Variants in ASIC2 observed in about 807,000 individuals in gnomAD.
ASIC2 encodes the protein acid-sensing ion channel 2.
A neutral mutation model predicts 57.3 loss-of-function variants in ASIC2; 25 were observed. The ratio of observed to expected loss-of-function variants is 0.44; its 90% CI spans 0.32 to 0.61. The LOEUF (loss-of-function observed/expected upper bound fraction) is 0.61. Ranked by LOEUF, ASIC2 falls within the 20% of genes least tolerant of loss-of-function variation. The probability of loss-of-function intolerance (pLI) is 0.06; values close to 1 mark genes in which losing one functional copy is unlikely to be tolerated. For synonymous variants in ASIC2, 319 were observed against 307.5 expected, an observed-to-expected ratio of 1.04 and a Z score of -0.39; for missense variants, 641 against 738.1, an observed-to-expected ratio of 0.87 and a Z score of 1.52.
At chr17:33,017,467 A>G (rs2091812923) in intron 8 of ASIC2, 138 bp downstream of exon 8, 1 of 694,286 alleles carries the variant, frequency 1.4e-6, no homozygotes, top group Non-Finnish European at 2.4e-6. Context: ...TCAGTGATCG[A>G]CTCTATTGGT....
chr17:34,111,444 T>C (rs893568341), intron 1 of ASIC2, among the ~76,000 whole-genome samples: 4 of 151,970 alleles, frequency 2.6e-5, no homozygotes, highest in African/African-American at 9.7e-5. Context: ...TGAAAAGATA[T>C]GTTACAGTAG....
intron 1 of ASIC2, among the ~76,000 whole-genome samples, chr17:34,121,101 G>C (rs1046491429): frequency 3.9e-5 from 6 of 152,104 alleles, no homozygotes; most frequent in African/African-American, 1.4e-4. Flanking sequence ...TGTGACAACA[G>C]AGGCAGAGAT....
chr17:33,308,927 C>T (rs952015515), intron 1 of ASIC2, among the ~76,000 whole-genome samples: 2 of 152,100 alleles, frequency 1.3e-5, no homozygotes, highest in Non-Finnish European at 2.9e-5. Flanking sequence ...GAACTGGCTA[C>T]CATATGGGGG....
chr17:34,102,702 A>C (rs1163233932), intron 1 of ASIC2, among the ~76,000 whole-genome samples: 1 of 152,206 alleles, frequency 6.6e-6, no homozygotes, highest in Non-Finnish European at 1.5e-5. Flanking sequence ...AATATAGCAC[A>C]ATTTTGTATT....
At chr17:33,785,943 C>T (rs1348442492) in intron 1 of ASIC2, among the ~76,000 whole-genome samples, 4 of 152,218 alleles carry the variant, frequency 2.6e-5, no homozygotes, top group African/African-American at 9.6e-5. Context: ...CAGAGACCAG[C>T]ACAGGTTTAC....
chr17:33,116,369 C>A (rs1262483880), intron 1 of ASIC2, among the ~76,000 whole-genome samples: 1 of 152,212 alleles, frequency 6.6e-6, no homozygotes, highest in Non-Finnish European at 1.5e-5. Context: ...AGAACACACG[C>A]TTCAAATTTA....
chr17:34,040,840 A>C (rs2142045650), intron 1 of ASIC2, among the ~76,000 whole-genome samples: 1 of 152,378 alleles, frequency 6.6e-6, no homozygotes, highest in South Asian at 2.1e-4. Flanking sequence ...GTAACAAAAT[A>C]TAATAAGAGT....
intron 3 of ASIC2, among the ~76,000 whole-genome samples, chr17:33,070,561 C>T (rs1479763455): frequency 6.6e-6 from 1 of 152,132 alleles, no homozygotes; most frequent in African/African-American, 2.4e-5. Flanking sequence ...TGGTCTCGAT[C>T]TCTTGACCTT....
rs565256153 is a variant in ASIC2, at chr17:33,447,866, A to G, written c.556-335799T>C. On this transcript the variant is annotated intron_variant, in intron 1 of 9. Coordinates refer to the ASIC2 transcript ENST00000359872. ...AGAGAATAATTCAAATGTTTCTAGC[A>G]TAAAGAAAAGACAACTAGCCTGGGC... Among the ~76,000 whole-genome samples, 15 of 151,030 alleles carry G rather than the reference A, an allele frequency of 9.9e-5. 1 individual carries two copies. The South Asian group carries it at 3.1e-3, about 32-fold the overall frequency.
chr17:33,055,994 T>C (rs538156059), intron 3 of ASIC2, among the ~76,000 whole-genome samples: 8 of 152,310 alleles, frequency 5.3e-5, no homozygotes, highest in Non-Finnish European at 1.0e-4. Context: ...TGGCATGGAC[T>C]CCAAGTACTA....
intron 1 of ASIC2, among the ~76,000 whole-genome samples, chr17:33,560,516 G>A (rs1170455532): frequency 6.6e-6 from 1 of 152,192 alleles, no homozygotes; most frequent in Non-Finnish European, 1.5e-5. Flanking sequence ...AATGTATCTA[G>A]GACCTTTTCG....
At chr17:33,354,885 C>A (rs1283175124) in intron 1 of ASIC2, among the ~76,000 whole-genome samples, 1 of 152,130 alleles carries the variant, frequency 6.6e-6, no homozygotes, top group African/African-American at 2.4e-5. Context: ...ACATGTGCAC[C>A]TATTTCCATG....
At chr17:34,060,019 T>C (rs1224548113) in intron 1 of ASIC2, among the ~76,000 whole-genome samples, 1 of 152,198 alleles carries the variant, frequency 6.6e-6, no homozygotes, top group African/African-American at 2.4e-5. Flanking sequence ...AAGTGCCACC[T>C]CCTGGCAGGG....
chr17:33,203,353 C>T (rs1340605783), intron 1 of ASIC2, among the ~76,000 whole-genome samples: 2 of 152,184 alleles, frequency 1.3e-5, no homozygotes, highest in Non-Finnish European at 2.9e-5. Context: ...TTCCTCTGAT[C>T]CACCCAGTCT....
intron 1 of ASIC2, among the ~76,000 whole-genome samples, chr17:33,580,562 C>T (rs567188028): frequency 1.3e-5 from 2 of 152,044 alleles, no homozygotes; most frequent in African/African-American, 2.4e-5. Context: ...TCATGAGTGA[C>T]GCTGAGGGTC....
intron 1 of ASIC2, among the ~76,000 whole-genome samples, chr17:33,989,511 G>A (rs1905936136): frequency 6.7e-6 from 1 of 150,008 alleles, no homozygotes; most frequent in Non-Finnish European, 1.5e-5. Context: ...AGGCAAACAG[G>A]AGTGGAGAGA....
At chr17:33,642,220 C>CAA (rs1491571205) in intron 1 of ASIC2, among the ~76,000 whole-genome samples, 5 of 139,134 alleles carry the variant, frequency 3.6e-5, no homozygotes, top group Non-Finnish European at 7.9e-5. Context: ...CCCCCCCCCC[C>CAA]CACACACAAT....
intron 1 of ASIC2, among the ~76,000 whole-genome samples, chr17:33,770,486 A>G (rs538765637): frequency 6.6e-6 from 1 of 152,218 alleles, no homozygotes; most frequent in African/African-American, 2.4e-5. Flanking sequence ...CTGCTATTTG[A>G]CAGTAAGGTA....
rs538961336 is a variant in ASIC2, at chr17:33,752,457, A to T, written c.555+403521T>A. Reference sequence around the variant, plus strand: ...GACTGGAAGAAAACATTTACAAAGCACATATCTGAAAAAGGAATTATATCC... The same window carrying T: ...GACTGGAAGAAAACATTTACAAAGCTCATATCTGAAAAAGGAATTATATCC... On this transcript the variant is annotated intron_variant, in intron 1 of 9. Transcript: ENST00000359872. Among the ~76,000 whole-genome samples the T allele has an allele frequency of 1.4e-3, 206 of 152,306 alleles. 1 individual carries two copies. Among genetic ancestry groups the T allele is most frequent in the Non-Finnish European group, 2.6e-3 (180 of 68,038 alleles).
Sources: gnomAD v4.1 joint callset for allele counts (sites outside exome capture counted in the v4.1 genomes callset) on GRCh38, gnomAD v4.1.1 for gene constraint, MANE v1.5 for transcripts, NCBI Gene and HGNC (gene_info 2026-07-23, HGNC 2026-07-21) for gene names.